The following STK33 variants were observed in gnomAD, a reference collection of about 807,000 sequenced individuals.
STK33 encodes serine/threonine-protein kinase 33.
Under a neutral mutation model 58.0 loss-of-function variants are expected in STK33, and 52 were observed. The ratio of observed to expected loss-of-function variants is 0.90; its 90% CI spans 0.72 to 1.13. The LOEUF (loss-of-function observed/expected upper bound fraction) is 1.13. STK33 is among the 50% of genes most tolerant of loss of function. The pLI, the probability that STK33 is intolerant of heterozygous loss-of-function variation, is 0.00. For synonymous variants in STK33, 215 were observed against 200.1 expected (o/e 1.07, Z -0.63); for missense variants, 630 against 604.2 (o/e 1.04, Z -0.45).
At chr11:8,451,930 C>T (rs941712529) in intron 11 of STK33, among the ~76,000 whole-genome samples, 2 of 152,116 alleles carry the variant, frequency 1.3e-5, no homozygotes, top group Admixed American at 6.5e-5. Context: ...GAGGGCTGGG[C>T]ATGGTGGCTC....
intron 14 of STK33, among the ~76,000 whole-genome samples, chr11:8,435,026 C>G (rs1943894096): frequency 6.6e-6 from 1 of 152,158 alleles, no homozygotes; most frequent in Admixed American, 6.5e-5. Context: ...AAGCATTAGT[C>G]TAATGGCAGA....
chr11:8,493,651 G>C (rs920667880), intron 1 of STK33, among the ~76,000 whole-genome samples: 1 of 152,110 alleles, frequency 6.6e-6, no homozygotes, highest in African/African-American at 2.4e-5. Context: ...CAAAAAAAGA[G>C]AATTTTAGAA....
At chr11:8,437,919 C>A (rs926931498) in intron 12 of STK33, among the ~76,000 whole-genome samples, 2 of 152,168 alleles carry the variant, frequency 1.3e-5, no homozygotes, top group South Asian at 4.1e-4. Context: ...TCTCTCTCAT[C>A]CTATTCACCT....
chr11:8,563,214 C>T lies in STK33; in HGVS notation c.-466+30869G>A, dbSNP rs112255596. ...TCTTTTTTCTTGGGATACCCATAGG[C>T]CTTCTGGGAGTGTTCCTTGGGATTC... On this transcript the variant is annotated intron_variant, in intron 1 of 15. Coordinates refer to ENST00000687296, the MANE Select transcript of STK33 (RefSeq NM_001352389.2). Among the ~76,000 whole-genome samples the T allele has an allele frequency of 2.0e-5, 3 of 152,124 alleles. No homozygotes were observed. The South Asian group carries it at 6.2e-4, about 31-fold the overall frequency.
chr11:8,504,205 G>A (rs938323804), intron 1 of STK33, among the ~76,000 whole-genome samples: 2 of 152,184 alleles, frequency 1.3e-5, no homozygotes, highest in African/African-American at 4.8e-5. Context: ...GGATTCAGAG[G>A]AAAGGGTAGA....
At chr11:8,395,635 G>GA (rs568767923) in intron 15 of STK33, among the ~76,000 whole-genome samples, 16 of 152,052 alleles carry the variant, frequency 1.1e-4, no homozygotes, top group South Asian at 2.1e-4. Flanking sequence ...TTCATAGAAA[G>GA]AAAAAATCCT....
chr11:8,366,192 C>G, the STK33 span, among the ~76,000 whole-genome samples: 1 of 152,216 alleles, frequency 6.6e-6, no homozygotes, highest in African/African-American at 2.4e-5. Context: ...CTGGAGTGGG[C>G]CCATCAGGGG....
chr11:8,338,184 C>T, the STK33 span, among the ~76,000 whole-genome samples: 3 of 152,204 alleles, frequency 2.0e-5, no homozygotes, highest in Non-Finnish European at 4.4e-5. Flanking sequence ...ACAGGCCATA[C>T]ACAGGGCCTG....
the STK33 span, among the ~76,000 whole-genome samples, chr11:8,383,568 C>T: frequency 6.6e-6 from 1 of 152,160 alleles, no homozygotes; most frequent in Admixed American, 6.5e-5. Flanking sequence ...ACCTGGCCCA[C>T]CATTTTCTGA....
chr11:8,425,042 A>C (rs1942529328), intron 14 of STK33, among the ~76,000 whole-genome samples: 2 of 145,612 alleles, frequency 1.4e-5, no homozygotes, highest in Non-Finnish European at 3.0e-5. Context: ...TTGGTGTTTT[A>C]GACATGAAGT....
the STK33 span, among the ~76,000 whole-genome samples, chr11:8,382,662 G>C: frequency 0.11 from 16,773 of 152,170 alleles, 1,171 homozygotes; most frequent in East Asian, 0.26. Flanking sequence ...TCCAGGACAG[G>C]TCCTGTGTGA....
intron 1 of STK33, among the ~76,000 whole-genome samples, chr11:8,581,129 C>T (rs1428625662): frequency 6.6e-6 from 1 of 152,110 alleles, no homozygotes; most frequent in Non-Finnish European, 1.5e-5. Context: ...CCTTTTCCTT[C>T]CTTCCCATCA....
chr11:8,410,473 T>C (rs945397671), intron 15 of STK33, among the ~76,000 whole-genome samples: 1 of 139,644 alleles, frequency 7.2e-6, no homozygotes, highest in East Asian at 2.0e-4. Flanking sequence ...TTCTTTTCTT[T>C]TTTTTTTTTT....
chr11:8,357,081 C>G, the STK33 span, among the ~76,000 whole-genome samples: 2 of 152,252 alleles, frequency 1.3e-5, no homozygotes, highest in Non-Finnish European at 2.9e-5. Context: ...CCGGCCTGCC[C>G]TCTTCCCTCC....
chr11:8,457,648 A>C (rs1265427510), intron 8 of STK33, among the ~76,000 whole-genome samples, 169 bp from the exon 9 acceptor site: 1 of 152,232 alleles, frequency 6.6e-6, no homozygotes, highest in Admixed American at 6.5e-5. Context: ...ACAAAAAGGT[A>C]AAGACATAGT....
chr11:8,337,593 G>A, the STK33 span, among the ~76,000 whole-genome samples: 6 of 148,312 alleles, frequency 4.0e-5, no homozygotes, highest in Admixed American at 2.7e-4. Flanking sequence ...ACGGAGCCAC[G>A]AGGCAGCCTG....
At chr11:8,424,361 A>G (rs6578966) in intron 14 of STK33, among the ~76,000 whole-genome samples, 82,588 of 145,652 alleles carry the variant, frequency 0.57, 24,183 homozygotes, top group South Asian at 0.69. Context: ...GTGTATATGT[A>G]CCTCATTTTC....
chr11:8,371,710 CATTT>C, the STK33 span, among the ~76,000 whole-genome samples: 3 of 134,846 alleles, frequency 2.2e-5, no homozygotes, highest in East Asian at 2.0e-4. Context: ...TTCTTCCTTT[CATTT>C]ATTTCCCTCC....
chr11:8,407,284 G>A (rs992465848), intron 15 of STK33, among the ~76,000 whole-genome samples: 1 of 152,012 alleles, frequency 6.6e-6, no homozygotes, highest in African/African-American at 2.4e-5. Context: ...TATAATTTAT[G>A]AGAGATATTG....
Sources: allele counts gnomAD v4.1 joint callset (sites outside exome capture counted in the v4.1 genomes callset), GRCh38; gene constraint gnomAD v4.1.1; transcripts MANE v1.5; gene names NCBI Gene and HGNC (gene_info 2026-07-23, HGNC 2026-07-21).